The following AP3M2 variants were observed in gnomAD, a reference collection of about 807,000 sequenced individuals.
AP3M2 encodes adaptor related protein complex 3 subunit mu 2.
In AP3M2, 28 loss-of-function variants were observed where a neutral mutation model predicts 41.6. That is an observed-to-expected ratio of 0.67 (90% confidence interval 0.50 to 0.92). AP3M2 has a LOEUF of 0.92. AP3M2 is among the 40% of genes least tolerant of loss of function. The pLI is 0.00. For missense variants in AP3M2, 427 were observed against 521.4 expected (o/e 0.82, Z 1.76); for synonymous variants, 193 against 186.4 (o/e 1.04, Z -0.29).
chr8:42,157,153 C>G lies in AP3M2; in HGVS notation c.274-788C>G, dbSNP rs747281215. 2.6e-5 allele frequency among the ~76,000 whole-genome samples: 4 copies of G among 152,294 alleles called. No homozygotes were observed. The East Asian group carries it at 7.7e-4, about 29-fold the overall frequency. On this transcript the variant is annotated intron_variant, in intron 2 of 8. Transcript: ENST00000396926. ...AACATTTCTTGCTAAATAATGATCA[C>G]GCATTCCATTTTGTAGTGCTTTATA...
In AP3M2 at chr8:42,167,350, C is replaced by CA; in HGVS notation, c.991dup (p.Thr331AsnfsTer39). ...GCCTTACTCCATCACAGGGGACACA[C>CA]ACATTCGACCCAGTCACAAAGGTAG... On this transcript the variant is annotated frameshift_variant, in exon 7 of 9. Transcript: ENST00000396926. LOFTEE classifies it high-confidence loss of function. 1 of 1,614,142 alleles carries CA rather than the reference C, an allele frequency of 6.2e-7. No homozygotes were observed. The highest frequency in any genetic ancestry group is 8.5e-7 in the Non-Finnish European group (1 of 1,180,000).
chr8:42,167,014 G>GT (rs1305768702), intron 6 of AP3M2, 150 bp from the exon 7 acceptor site: 1 of 665,660 alleles, frequency 1.5e-6, no homozygotes. Flanking sequence ...GATTACTGGG[G>GT]TTTTTTTCTG....
intron 3 of AP3M2, among the ~76,000 whole-genome samples, chr8:42,159,951 A>G (rs923800530): frequency 6.6e-6 from 1 of 152,224 alleles, no homozygotes; most frequent in African/African-American, 2.4e-5. Flanking sequence ...ATATTCATAC[A>G]GTAGACATCC....
chr8:42,168,136 A>G, intron 8 of AP3M2: 1 of 506,640 alleles, frequency 2.0e-6, no homozygotes, highest in Non-Finnish European at 3.8e-6. Flanking sequence ...CAGTATGAGA[A>G]TCCATGTGCA....
rs1048295410 is a variant in AP3M2, at chr8:42,170,260, A to T, written c.*1199A>T. On this transcript the variant is annotated 3_prime_UTR_variant, in exon 9 of 9. Coordinates refer to ENST00000396926, the MANE Select transcript of AP3M2 (RefSeq NM_006803.4). ...CCTCAGTCTTTTCTTTTGTACTCCT[A>T]TCATGTATTCATTAATATCTACCAG... 6.6e-6 allele frequency: 1 copy of T among 152,202 alleles called. No individual in the cohort carries two copies. The highest frequency in any genetic ancestry group is 2.4e-5 in the African/African-American group (1 of 41,448). 9.4% of individuals were successfully genotyped at this position (152,202 alleles called of 1,614,324 possible).
At position 42,171,121 on chromosome 8, in the gene AP3M2, G is replaced by T. The variant is rs1257879833; in HGVS notation, c.*2060G>T. ...TCCATCGAGCTGTTTGGTTCCATGT[G>T]TGTTTAACATGTGCAGAAGTAGCTT... On this transcript the variant is annotated 3_prime_UTR_variant, in exon 9 of 9. Transcript: ENST00000396926. The T allele has an allele frequency of 6.6e-6, 1 of 152,272 alleles. No homozygotes were observed. Among genetic ancestry groups the T allele is most frequent in the African/African-American group, 2.4e-5 (1 of 41,460 alleles). 9.4% of individuals were successfully genotyped at this position (152,272 alleles called of 1,614,324 possible).
At chr8:42,165,741 G>A (rs1564118726) in intron 6 of AP3M2, 181 bp downstream of exon 6, 1 of 577,386 alleles carries the variant, frequency 1.7e-6, no homozygotes, top group Non-Finnish European at 2.9e-6. Flanking sequence ...TTTCTCATCT[G>A]TAAATTGAAA....
In AP3M2 at chr8:42,169,143, C is replaced by A; in HGVS notation, c.*82C>A. 8.3e-7 allele frequency: 1 copy of A among 1,211,306 alleles called. No homozygotes were observed. Among genetic ancestry groups the A allele is most frequent in the Non-Finnish European group, 1.2e-6 (1 of 862,214 alleles). 75.0% of individuals were successfully genotyped at this position (1,211,306 alleles called of 1,614,324 possible). ...AAAGTAAAAAAAAATATCAGCCTGT[C>A]TCCTAGGTCAGTCCCCTCCTGGACC... On this transcript the variant is annotated 3_prime_UTR_variant, in exon 9 of 9. Coordinates refer to ENST00000396926, the MANE Select transcript of AP3M2 (RefSeq NM_006803.4).
At chr8:42,165,362 CT>C in intron 5 of AP3M2, 64 bp from the exon 6 acceptor site, 1 of 1,577,180 alleles carries the variant, frequency 6.3e-7, no homozygotes, top group Non-Finnish European at 8.6e-7. Flanking sequence ...ATTTAAATTG[CT>C]TTCCTGAAAG....
intron 6 of AP3M2, chr8:42,165,761 G>T: frequency 1.8e-6 from 1 of 541,302 alleles, no homozygotes; most frequent in East Asian, 3.1e-5. Context: ...AATAATAAAA[G>T]TGCCTTGTTC....
rs1804672850 is a variant in AP3M2, at chr8:42,167,501, T to C, written c.1011+130T>C. ...AGGGACCTTGTTTTCTCCTGCCAGG[T>C]AACTTAACAGTAACACGTAGGATTC... On this transcript the variant is annotated intron_variant, in intron 7 of 8. Coordinates refer to ENST00000396926, the MANE Select transcript of AP3M2 (RefSeq NM_006803.4). 35 of 1,369,576 alleles carry C rather than the reference T, an allele frequency of 2.6e-5. 1 individual carries two copies. The South Asian group carries it at 4.8e-4, about 19-fold the overall frequency. The allele number at this position is 1,369,576 out of a possible 1,614,324, so 84.8% of individuals were successfully genotyped here.
At chr8:42,157,153 C>T (rs747281215) in intron 2 of AP3M2, among the ~76,000 whole-genome samples, 19 of 152,176 alleles carry the variant, frequency 1.2e-4, no homozygotes, top group Non-Finnish European at 2.1e-4. Context: ...ATAATGATCA[C>T]GCATTCCATT....
intron 8 of AP3M2, chr8:42,168,268 G>A (rs571182572): frequency 1.2e-4 from 55 of 456,324 alleles, no homozygotes; most frequent in Non-Finnish European, 2.2e-4. Context: ...ACTATAGTCT[G>A]TGCCGACCTT....
chr8:42,162,156 T>C (rs886913851), intron 3 of AP3M2, 125 bp from the exon 4 acceptor site: 4 of 954,720 alleles, frequency 4.2e-6, no homozygotes, highest in Admixed American at 3.1e-5. Flanking sequence ...AAAAACCTCA[T>C]CTTCTGTTTG....
At position 42,167,704 on chromosome 8, in the gene AP3M2, G is replaced by C; in HGVS notation, c.1050G>C (p.Lys350Asn). The change falls in exon 8 of 9, where the codon AAG becomes AAC. Residue 350 changes from lysine (K) to asparagine (N), a missense_variant. Lys to Asn is a moderately conservative substitution (Grantham distance 94). Around this residue, in one of 3 missense-constraint regions of AP3M2, gnomAD observed 237 missense variants for 284.9 expected, o/e 0.83. Coordinates refer to ENST00000396926, the MANE Select transcript of AP3M2 (RefSeq NM_006803.4). Reference protein sequence around the residue: ...SWDVGKINPQKLPSLKGTMSL... With the variant: ...SWDVGKINPQNLPSLKGTMSL... ...ATGTAGGAAAAATAAATCCACAAAA[G>C]CTACCAAGTTTGAAGGGGACCATGA... is the stretch of plus-strand genomic sequence containing the variant. The C allele has an allele frequency of 6.2e-7, 1 of 1,613,198 alleles. No homozygotes were observed. The highest frequency in any genetic ancestry group is 1.1e-5 in the South Asian group (1 of 90,854).
At chr8:42,155,022 C>CA (rs1157572490) in intron 2 of AP3M2, 62 bp downstream of exon 2, 10 of 1,390,446 alleles carry the variant, frequency 7.2e-6, no homozygotes, top group Non-Finnish European at 1.0e-5. Flanking sequence ...GTCCTGTTTC[C>CA]ATTGTGTAAA....
intron 3 of AP3M2, among the ~76,000 whole-genome samples, chr8:42,159,638 T>C (rs1417964843): frequency 3.3e-5 from 5 of 152,222 alleles, no homozygotes; most frequent in East Asian, 1.9e-4. Context: ...ATTACAGATA[T>C]TTTCTTACAG....
intron 4 of AP3M2, 36 bp from the exon 5 acceptor site, chr8:42,165,035 G>A: frequency 6.3e-7 from 1 of 1,577,470 alleles, no homozygotes; most frequent in Non-Finnish European, 8.7e-7. Flanking sequence ...GAAGTATTCA[G>A]TAATCTGTGT....
At chr8:42,162,833 C>T (rs535405401) in intron 4 of AP3M2, among the ~76,000 whole-genome samples, 1 of 147,678 alleles carries the variant, frequency 6.8e-6, no homozygotes, top group Admixed American at 7.0e-5. Flanking sequence ...GTATTCCTAA[C>T]TTTGTGAGGG....
Sources: gnomAD v4.1 joint callset for allele counts (sites outside exome capture counted in the v4.1 genomes callset) on GRCh38, gnomAD v4.1.1 for gene constraint, gnomAD v4.1.1 regional missense constraint, MANE v1.5 for transcripts, NCBI Gene and HGNC (gene_info 2026-07-23, HGNC 2026-07-21) for gene names.